Variants in DOCK2 observed in about 807,000 individuals in gnomAD.
The protein encoded by DOCK2 is dedicator of cytokinesis protein 2.
In DOCK2, 87 loss-of-function variants were observed where a neutral mutation model predicts 248.9. The ratio of observed to expected loss-of-function variants is 0.35; its 90% CI spans 0.29 to 0.42. The LOEUF is 0.42. DOCK2 is among the 10% of genes least tolerant of loss of function. The pLI is 1.00. For missense variants in DOCK2, 1,747 were observed against 2,300.2 expected (o/e 0.76, Z 4.92); for synonymous variants, 805 against 821.6 (o/e 0.98, Z 0.35).
At chr5:169,833,750 C>A (rs989218060) in intron 26 of DOCK2, among the ~76,000 whole-genome samples, 1 of 152,312 alleles carries the variant, frequency 6.6e-6, no homozygotes, top group East Asian at 1.9e-4. Context: ...CTAAAACCTC[C>A]AGCACTTTCC....
At chr5:170,028,016 C>A in intron 34 of DOCK2, 68 bp downstream of exon 34, 1 of 1,440,756 alleles carries the variant, frequency 6.9e-7, no homozygotes. Flanking sequence ...GCTCAGAACT[C>A]CAGGGGGCTC....
chr5:169,694,815 TA>T (rs984502190), intron 9 of DOCK2, among the ~76,000 whole-genome samples: 133 of 148,708 alleles, frequency 8.9e-4, no homozygotes, highest in African/African-American at 3.0e-3. Context: ...CCCCATCTCT[TA>T]AAAAAAAAAT....
chr5:169,800,966 T>TTG (rs1766938809), intron 25 of DOCK2, among the ~76,000 whole-genome samples: 1 of 107,948 alleles, frequency 9.3e-6, no homozygotes, highest in African/African-American at 3.5e-5. Flanking sequence ...TTTTTTTTTT[T>TTG]TTTTTTTGAG....
chr5:169,936,319 G>T (rs1162664097), intron 27 of DOCK2, among the ~76,000 whole-genome samples: 1 of 152,146 alleles, frequency 6.6e-6, no homozygotes, highest in Admixed American at 6.5e-5. Context: ...AGGGCAGTGG[G>T]TTCCTAGGGC....
intron 6 of DOCK2, among the ~76,000 whole-genome samples, chr5:169,677,939 C>T (rs1387692540): frequency 6.6e-6 from 1 of 152,146 alleles, no homozygotes; most frequent in Non-Finnish European, 1.5e-5. Context: ...GTGTGTTTTG[C>T]CCTGATGCCA....
chr5:169,939,898 T>G (rs1199299695), intron 27 of DOCK2, among the ~76,000 whole-genome samples: 1 of 152,094 alleles, frequency 6.6e-6, no homozygotes, highest in Non-Finnish European at 1.5e-5. Flanking sequence ...ACCACAAGAG[T>G]TGATCATTTC....
chr5:169,849,735 C>T (rs997376635), intron 27 of DOCK2, among the ~76,000 whole-genome samples: 3 of 152,196 alleles, frequency 2.0e-5, no homozygotes, highest in Non-Finnish European at 4.4e-5. Context: ...ATGGAGTTTG[C>T]AAAGGGTTCT....
At chr5:169,925,670 C>T (rs946105681) in intron 27 of DOCK2, among the ~76,000 whole-genome samples, 1 of 147,540 alleles carries the variant, frequency 6.8e-6, no homozygotes, top group Non-Finnish European at 1.5e-5. Flanking sequence ...TGTGGGACTT[C>T]TGTAGTTCAG....
chr5:169,814,079 G>A (rs1295160434), intron 26 of DOCK2, among the ~76,000 whole-genome samples: 2 of 152,200 alleles, frequency 1.3e-5, no homozygotes, highest in African/African-American at 4.8e-5. Flanking sequence ...AATCTGATAG[G>A]AAACAGGATA....
intron 27 of DOCK2, among the ~76,000 whole-genome samples, chr5:169,916,331 C>T (rs1301651564): frequency 3.3e-5 from 5 of 152,228 alleles, no homozygotes; most frequent in African/African-American, 4.8e-5. Context: ...TCTAAGGAAC[C>T]AGCCACTTTG....
At chr5:169,821,143 T>A (rs958599448) in intron 26 of DOCK2, among the ~76,000 whole-genome samples, 8 of 152,178 alleles carry the variant, frequency 5.3e-5, no homozygotes, top group African/African-American at 1.7e-4. Flanking sequence ...CTACGTCTGA[T>A]TGGTGTACCT....
intron 44 of DOCK2, among the ~76,000 whole-genome samples, chr5:170,063,356 C>T (rs915326058): frequency 6.6e-6 from 1 of 152,146 alleles, no homozygotes; most frequent in Admixed American, 6.5e-5. Flanking sequence ...ATGCAATTCT[C>T]CCCAGATCAC....
chr5:169,841,934 T>C (rs192677176), intron 27 of DOCK2, among the ~76,000 whole-genome samples: 41 of 152,278 alleles, frequency 2.7e-4, no homozygotes, highest in Admixed American at 1.7e-3. Context: ...GCTCAGTAAA[T>C]ACGTTTGAAT....
intron 29 of DOCK2, among the ~76,000 whole-genome samples, chr5:169,990,594 C>G (rs1409080688): frequency 6.6e-6 from 1 of 152,178 alleles, no homozygotes; most frequent in Non-Finnish European, 1.5e-5. Flanking sequence ...CCTTTTGGCC[C>G]ATGGAGCATT....
In DOCK2 at chr5:170,002,236, GAA is replaced by G. The variant is rs11313241; in HGVS notation, c.3072+6086_3072+6087del. Among the ~76,000 whole-genome samples the G allele has an allele frequency of 1.5e-3, 215 of 141,000 alleles. 1 individual carries two copies. Among genetic ancestry groups the G allele is most frequent in the Middle Eastern group, 0.015 (4 of 266 alleles). The allele number at this position is 141,000 out of a possible 152,430, so 92.5% of individuals were successfully genotyped here. ...CGTTGATTACAGCACTGTTGCTAGC[GAA>G]AAAAAAAAAAAAATTGGAATCAAGC... On this transcript the variant is annotated intron_variant, in intron 30 of 51. Transcript: ENST00000520908.
chr5:170,080,475 C>A, intron 50 of DOCK2, 192 bp downstream of exon 50: 1 of 815,394 alleles, frequency 1.2e-6, no homozygotes, highest in Non-Finnish European at 1.8e-6. Context: ...GTGACACCAT[C>A]CCAGCAAGCT....
chr5:170,034,003 A>C (rs1239998630), intron 34 of DOCK2, among the ~76,000 whole-genome samples: 2 of 152,142 alleles, frequency 1.3e-5, no homozygotes, highest in African/African-American at 4.8e-5. Flanking sequence ...ATATCTTTGC[A>C]TACTTCTGAG....
chr5:169,689,427 G>A (rs1439174385), intron 9 of DOCK2, 94 bp downstream of exon 9: 18 of 1,331,276 alleles, frequency 1.4e-5, no homozygotes, highest in Non-Finnish European at 1.7e-5. Flanking sequence ...GTGAAGTGTG[G>A]CTGTCCTGCA....
At chr5:169,917,417 G>A (rs537292210) in intron 27 of DOCK2, among the ~76,000 whole-genome samples, 124 of 152,256 alleles carry the variant, frequency 8.1e-4, no homozygotes, top group Admixed American at 1.6e-3. Context: ...GGATTCTAGA[G>A]TTTCCTTTGG....
Sources: gnomAD v4.1 joint callset for allele counts (sites outside exome capture counted in the v4.1 genomes callset) on GRCh38, gnomAD v4.1.1 for gene constraint, MANE v1.5 for transcripts, NCBI Gene and HGNC (gene_info 2026-07-23, HGNC 2026-07-21) for gene names.